The following DNAH11 variants were observed in gnomAD, a reference collection of about 807,000 sequenced individuals.
The protein encoded by DNAH11 is dynein axonemal heavy chain 11, also known as axonemal beta dynein heavy chain 11.
DNAH11 carries 442 observed loss-of-function variants against 526.0 expected under a neutral mutation model. The ratio of observed to expected loss-of-function variants is 0.84; its 90% confidence interval spans 0.78 to 0.91. The LOEUF (loss-of-function observed/expected upper bound fraction) is 0.91. DNAH11 is among the 40% of genes least tolerant of loss of function. The pLI is 0.00. For synonymous variants in DNAH11, 2,461 were observed against 1,935.9 expected (o/e 1.27, Z -7.12); for missense variants, 6,989 against 5,448.7 (o/e 1.28, Z -8.90).
At chr7:21,828,488 G>A (rs1790404498) in intron 65 of DNAH11, among the ~76,000 whole-genome samples, 1 of 152,024 alleles carries the variant, frequency 6.6e-6, no homozygotes, top group African/African-American at 2.4e-5. Flanking sequence ...TTTAGCATTT[G>A]CAGATAAAGC....
Position 21,543,648 on chromosome 7 carries a change from G to T in DNAH11, c.351+52G>T, listed in dbSNP as rs922930156. ...GCCCATCCAACAAAACTACCCAGGG[G>T]AGACAGCCCAGTCGCTCCCCTTTGG... On this transcript the variant is annotated intron_variant, in intron 1 of 81. Coordinates refer to ENST00000409508, the MANE Select transcript of DNAH11 (RefSeq NM_001277115.2). 1.5e-5 allele frequency: 23 copies of T among 1,531,906 alleles called. No homozygotes were observed. In the Admixed American group the frequency reaches 1.9e-4, roughly 12 times the overall value. 94.9% of individuals were successfully genotyped at this position (1,531,906 alleles called of 1,614,324 possible).
intron 63 of DNAH11, among the ~76,000 whole-genome samples, chr7:21,810,259 C>G (rs1789456436): frequency 1.3e-5 from 2 of 152,134 alleles, no homozygotes; most frequent in African/African-American, 4.8e-5. Context: ...CTGAGACAGA[C>G]AAATGACTCC....
chr7:21,859,436 T>G (rs2128029080), intron 68 of DNAH11, among the ~76,000 whole-genome samples: 1 of 152,328 alleles, frequency 6.6e-6, no homozygotes. Flanking sequence ...GTGTTTAAAC[T>G]TGGGTTCCAT....
rs148144339 is a variant in DNAH11, at chr7:21,685,965, C to G, written c.5622-1134C>G. ...AGGAAATGTAGTCTCTAAACACTGG[C>G]AGCCATATGCCTACCCAAAACTTGG... On this transcript the variant is annotated intron_variant, in intron 32 of 81. Coordinates refer to ENST00000409508, the MANE Select transcript of DNAH11 (RefSeq NM_001277115.2). Among the ~76,000 whole-genome samples the G allele has an allele frequency of 1.3e-3, 202 of 152,308 alleles. 2 individuals carry two copies. Among genetic ancestry groups the G allele is most frequent in the African/African-American group, 4.7e-3 (194 of 41,572 alleles).
rs533148553 is a variant in DNAH11 at position 21,643,434 on chromosome 7, G to A, written c.4944+4369G>A. ...TGAAACATTTAACTTCTCCATAAAGGTTAGGTTTGGAGAAGCTAATCCACA... is the reference window on the plus strand; with the variant it reads ...TGAAACATTTAACTTCTCCATAAAGATTAGGTTTGGAGAAGCTAATCCACA... On this transcript the variant is annotated intron_variant, in intron 28 of 81. Transcript: ENST00000409508. Among the ~76,000 whole-genome samples, 8 of 152,174 alleles carry A rather than the reference G, an allele frequency of 5.3e-5. No individual in the cohort carries two copies. The East Asian group carries it at 1.2e-3, about 22-fold the overall frequency.
At chr7:21,615,893 A>C (rs1208778559) in intron 21 of DNAH11, among the ~76,000 whole-genome samples, 2 of 152,218 alleles carry the variant, frequency 1.3e-5, no homozygotes, top group African/African-American at 4.8e-5. Context: ...AGAATTATAA[A>C]AGTCTGTTAT....
intron 81 of DNAH11, 165 bp from the exon 82 acceptor site, chr7:21,900,842 C>A: frequency 1.7e-6 from 2 of 1,180,764 alleles, no homozygotes; most frequent in Non-Finnish European, 1.1e-6. Context: ...GCAGGGTAAC[C>A]TACCTTTCAA....
rs145355703 is a variant in DNAH11, at chr7:21,642,350, A to G, written c.4944+3285A>G. ...GGGGCCATTTGAGTCATCTAGAGCC[A>G]TAGTCGGCTTCTTTCCCTGAAAGAA... is the stretch of plus-strand genomic sequence containing the variant. On this transcript the variant is annotated intron_variant, in intron 28 of 81. Transcript: ENST00000409508. Among the ~76,000 whole-genome samples the G allele has an allele frequency of 1.7e-3, 253 of 152,324 alleles. 1 individual carries two copies. Among genetic ancestry groups the G allele is most frequent in the East Asian group, 0.01 (53 of 5,180 alleles).
chr7:21,831,660 T>G (rs74778305), intron 65 of DNAH11, among the ~76,000 whole-genome samples: 1 of 152,150 alleles, frequency 6.6e-6, no homozygotes, highest in Non-Finnish European at 1.5e-5. Flanking sequence ...AGCAGATACA[T>G]TTCTGCTTTT....
At chr7:21,890,737 T>A (rs1784298867) in intron 76 of DNAH11, among the ~76,000 whole-genome samples, 1 of 152,168 alleles carries the variant, frequency 6.6e-6, no homozygotes. Flanking sequence ...CCAGGTGACA[T>A]TTAAATTTTC....
intron 51 of DNAH11, among the ~76,000 whole-genome samples, 181 bp downstream of exon 51, chr7:21,745,244 C>A (rs993540167): frequency 6.6e-6 from 1 of 152,112 alleles, no homozygotes; most frequent in Non-Finnish European, 1.5e-5. Context: ...TAATGTCTTA[C>A]ATAGGCACAC....
At chr7:21,621,457 C>T (rs1013965987) in intron 25 of DNAH11, among the ~76,000 whole-genome samples, 14 of 152,124 alleles carry the variant, frequency 9.2e-5, no homozygotes, top group Non-Finnish European at 1.9e-4. Flanking sequence ...AGGAAATCCT[C>T]CCTAACTCAT....
intron 26 of DNAH11, among the ~76,000 whole-genome samples, chr7:21,636,615 G>T (rs1259500145): frequency 6.6e-6 from 1 of 152,028 alleles, no homozygotes; most frequent in Non-Finnish European, 1.5e-5. Context: ...GCCCAAGCTT[G>T]CAGTCCTAGC....
At chr7:21,628,435 A>G (rs1449444902) in intron 25 of DNAH11, among the ~76,000 whole-genome samples, 1 of 152,146 alleles carries the variant, frequency 6.6e-6, no homozygotes, top group Non-Finnish European at 1.5e-5. Context: ...TTTATTGTAT[A>G]TGTCCTTTAC....
At chr7:21,781,718 T>A (rs1787947916) in intron 57 of DNAH11, among the ~76,000 whole-genome samples, 1 of 152,184 alleles carries the variant, frequency 6.6e-6, no homozygotes, top group Admixed American at 6.5e-5. Context: ...GGCAGACAAG[T>A]GCACTGTATC....
chr7:21,810,629 C>A (rs183226744), intron 63 of DNAH11, among the ~76,000 whole-genome samples: 1 of 152,040 alleles, frequency 6.6e-6, no homozygotes, highest in African/African-American at 2.4e-5. Context: ...AAACCCAAGA[C>A]GTATTTGGAC....
intron 36 of DNAH11, 84 bp from the exon 37 acceptor site, chr7:21,702,626 T>C: frequency 8.6e-7 from 1 of 1,159,918 alleles, no homozygotes; most frequent in Non-Finnish European, 1.3e-6. Flanking sequence ...AACTCCTTCT[T>C]AAAAACTTTC....
chr7:21,595,194 A>G (rs1004623119), intron 14 of DNAH11, among the ~76,000 whole-genome samples: 1 of 152,172 alleles, frequency 6.6e-6, no homozygotes, highest in African/African-American at 2.4e-5. Context: ...CCAACTTCTC[A>G]TTGTGTCCTC....
intron 54 of DNAH11, among the ~76,000 whole-genome samples, chr7:21,762,679 G>A (rs1482761279): frequency 6.6e-6 from 1 of 152,110 alleles, no homozygotes; most frequent in African/African-American, 2.4e-5. Context: ...CTCAGCTTAT[G>A]CAACATTAAA....
Sources: gnomAD v4.1 joint callset for allele counts (sites outside exome capture counted in the v4.1 genomes callset) on GRCh38, gnomAD v4.1.1 for gene constraint, MANE v1.5 for transcripts, NCBI Gene and HGNC (gene_info 2026-07-23, HGNC 2026-07-21) for gene names.